Variants in RGS7 observed in about 807,000 individuals in gnomAD.
RGS7 encodes regulator of G-protein signaling 7.
RGS7 carries 27 observed loss-of-function variants against 81.1 expected under a neutral mutation model. The observed-to-expected ratio is 0.33, with a 90% CI of 0.25 to 0.46. The LOEUF is 0.46. RGS7 is among the 20% of genes least tolerant of loss of function. The pLI is 1.00. For synonymous variants in RGS7, 208 were observed against 207.7 expected, an observed-to-expected ratio of 1.00 and a Z score of -0.01; for missense variants, 396 against 607.4, an observed-to-expected ratio of 0.65 and a Z score of 3.66.
chr1:241,090,470 G>A (rs1299174280), intron 3 of RGS7, among the ~76,000 whole-genome samples: 1 of 152,030 alleles, frequency 6.6e-6, no homozygotes, highest in Non-Finnish European at 1.5e-5. Context: ...ATACACAGTT[G>A]AATTTACTGG....
At chr1:241,216,469 C>T (rs1476155006) in intron 2 of RGS7, among the ~76,000 whole-genome samples, 3 of 152,110 alleles carry the variant, frequency 2.0e-5, no homozygotes, top group African/African-American at 7.2e-5. Flanking sequence ...TTTACCAACC[C>T]AAACAGTATC....
intron 2 of RGS7, among the ~76,000 whole-genome samples, chr1:241,127,549 GGGGGAGC>G (rs1401334016): frequency 6.6e-6 from 1 of 151,794 alleles, no homozygotes; most frequent in African/African-American, 2.4e-5. Context: ...TTGTGGCGTG[GGGGGAGC>G]GGGGAGGGAT....
chr1:241,000,791 G>A (rs1168598967), intron 3 of RGS7, among the ~76,000 whole-genome samples: 1 of 149,398 alleles, frequency 6.7e-6, no homozygotes, highest in Non-Finnish European at 1.5e-5. Flanking sequence ...GGGATTACAG[G>A]TGCGTGCCAC....
chr1:241,064,113 G>A (rs2061901825), intron 3 of RGS7, among the ~76,000 whole-genome samples: 1 of 150,982 alleles, frequency 6.6e-6, no homozygotes, highest in Non-Finnish European at 1.5e-5. Context: ...AACCTGGGAG[G>A]TGGAGGTTGT....
At chr1:241,006,850 T>G (rs12026885) in intron 3 of RGS7, among the ~76,000 whole-genome samples, 22,104 of 152,112 alleles carry the variant, frequency 0.15, 1,727 homozygotes, top group East Asian at 0.21. Flanking sequence ...CTGAAAATAA[T>G]AATGAAGCCC....
chr1:240,804,232 A>G (rs1688470703), intron 15 of RGS7, among the ~76,000 whole-genome samples: 1 of 152,312 alleles, frequency 6.6e-6, no homozygotes, highest in East Asian at 1.9e-4. Context: ...GTAGCAAAGC[A>G]TGGGGTGTGG....
intron 2 of RGS7, among the ~76,000 whole-genome samples, chr1:241,115,765 T>C (rs753038480): frequency 4.6e-5 from 7 of 152,168 alleles, no homozygotes; most frequent in African/African-American, 1.4e-4. Flanking sequence ...CTATGACCTA[T>C]GTAGGAAATC....
intron 2 of RGS7, among the ~76,000 whole-genome samples, chr1:241,153,468 A>G (rs536348807): frequency 3.3e-5 from 5 of 152,326 alleles, no homozygotes; most frequent in African/African-American, 1.2e-4. Context: ...ATGATTTGAA[A>G]AAAAAAAAGT....
chr1:241,134,906 G>A (rs2067382906), intron 2 of RGS7, among the ~76,000 whole-genome samples: 1 of 151,338 alleles, frequency 6.6e-6, no homozygotes, highest in Non-Finnish European at 1.5e-5. Flanking sequence ...GCGGAAGCAG[G>A]ACGACAGCCG....
chr1:241,065,246 ATATTAAAAGATATATCTG>A (rs1442831225), intron 3 of RGS7, among the ~76,000 whole-genome samples: 3,823 of 149,426 alleles, frequency 0.026, 146 homozygotes, highest in African/African-American at 0.076. Context: ...ATTAAAAGAT[ATATTAAAAGATATATCTG>A]TAATAGAGAT....
At position 240,938,798 on chromosome 1, in the gene RGS7, AT is replaced by A. The variant is rs1048745830; in HGVS notation, c.227-2093del. 1.2e-3 allele frequency among the ~76,000 whole-genome samples: 174 copies of A among 148,234 alleles called. 1 individual carries two copies. Among genetic ancestry groups the A allele is most frequent in the Admixed American group, 6.9e-3 (102 of 14,844 alleles). On this transcript the variant is annotated intron_variant, in intron 4 of 18. Coordinates refer to ENST00000440928, the MANE Select transcript of RGS7 (RefSeq NM_001364886.1). The stretch of plus-strand genomic sequence containing the variant: ...AATGTTGTTTTTTGTACAGAGGAGC[AT>A]TTTTTTTTCATCAATTTTGTGCGTG...
At chr1:240,929,269 T>C (rs926680009) in intron 6 of RGS7, among the ~76,000 whole-genome samples, 1 of 152,148 alleles carries the variant, frequency 6.6e-6, no homozygotes, top group African/African-American at 2.4e-5. Flanking sequence ...AGTGAGACAA[T>C]CTCCAGGCAT....
chr1:240,912,011 C>T (rs1251371056), intron 6 of RGS7, among the ~76,000 whole-genome samples: 1 of 150,236 alleles, frequency 6.7e-6, no homozygotes, highest in Non-Finnish European at 1.5e-5. Context: ...ATTAGCCAGG[C>T]GAAGTGGCAG....
intron 3 of RGS7, among the ~76,000 whole-genome samples, chr1:240,997,609 G>A (rs145251916): frequency 6.6e-6 from 1 of 152,286 alleles, no homozygotes; most frequent in East Asian, 1.9e-4. Flanking sequence ...CAGATCATTT[G>A]AGGTCAGGAG....
At chr1:241,030,377 T>TATACACACAC (rs71793632) in intron 3 of RGS7, among the ~76,000 whole-genome samples, 1 of 137,384 alleles carries the variant, frequency 7.3e-6, no homozygotes, top group Non-Finnish European at 1.6e-5. Flanking sequence ...TATATATACA[T>TATACACACAC]ACACACATAC....
chr1:241,271,847 C>T lies in RGS7; in HGVS notation c.78+83852G>A, dbSNP rs1445973138. Among the ~76,000 whole-genome samples the T allele has an allele frequency of 6.6e-6, 1 of 150,998 alleles. No individual in the cohort carries two copies. The highest frequency in any genetic ancestry group is 2.0e-4 in the East Asian group (1 of 5,128). On this transcript the variant is annotated intron_variant, in intron 2 of 18. Transcript: ENST00000440928. The surrounding 1 kb of genome is among the most constrained non-coding windows in gnomAD (Gnocchi z 4.6). ...AGCTTGCAGATAGCAGATTATGGGA[C>T]TTAACCTCCACAATCACACAAGCCA...
intron 4 of RGS7, among the ~76,000 whole-genome samples, chr1:240,976,470 GT>G (rs1254168127): frequency 1.3e-5 from 2 of 152,190 alleles, no homozygotes; most frequent in Non-Finnish European, 2.9e-5. Flanking sequence ...TGTTGTGAAG[GT>G]ATTTTTGGAT....
intron 6 of RGS7, among the ~76,000 whole-genome samples, chr1:240,906,620 C>T (rs1670861215): frequency 6.6e-6 from 1 of 152,226 alleles, no homozygotes; most frequent in African/African-American, 2.4e-5. Flanking sequence ...GGACAAATAG[C>T]ACAGTGATCT....
intron 2 of RGS7, among the ~76,000 whole-genome samples, chr1:241,151,788 G>T (rs2068775788): frequency 6.6e-6 from 1 of 152,002 alleles, no homozygotes; most frequent in African/African-American, 2.4e-5. Flanking sequence ...GATAAAGTTT[G>T]CATTAGAAGA....
Sources: gnomAD v4.1 joint callset for allele counts (sites outside exome capture counted in the v4.1 genomes callset) on GRCh38, gnomAD v4.1.1 for gene constraint, Gnocchi (gnomAD v3.1) non-coding constraint, MANE v1.5 for transcripts, NCBI Gene and HGNC (gene_info 2026-07-23, HGNC 2026-07-21) for gene names.